Variants in RBFOX2 observed in about 807,000 individuals in gnomAD.
RBFOX2 encodes the protein RNA binding protein fox-1 homolog 2.
RBFOX2 carries 10 observed loss-of-function variants against 49.1 expected under a neutral mutation model. That is an observed-to-expected ratio of 0.20 (90% CI 0.13 to 0.35). The LOEUF is 0.35. Ranked by LOEUF, RBFOX2 falls within the 10% of genes least tolerant of loss-of-function variation. The pLI is 1.00. For synonymous variants in RBFOX2, 183 were observed against 187.4 expected (o/e 0.98, Z 0.19); for missense variants, 323 against 486.9 (o/e 0.66, Z 3.17).
At chr22:35,947,081 C>T (rs1335749089) in intron 1 of RBFOX2, among the ~76,000 whole-genome samples, 2 of 152,118 alleles carry the variant, frequency 1.3e-5, no homozygotes, top group African/African-American at 4.8e-5. Context: ...ATCCCAACTA[C>T]TTGGGAGGCT....
chr22:35,781,615 G>C, exon 3 of RBFOX2: 1 of 1,613,960 alleles, frequency 6.2e-7, no homozygotes, highest in Non-Finnish European at 8.5e-7. Context: ...ACATCTGCCG[G>C]AGGTCAGGGT....
chr22:35,888,032 T>C (rs953278594), intron 1 of RBFOX2, among the ~76,000 whole-genome samples: 5 of 152,134 alleles, frequency 3.3e-5, no homozygotes, highest in African/African-American at 9.7e-5. Flanking sequence ...TCCTATGGCC[T>C]CATACTACAC....
At chr22:35,877,494 C>G in intron 1 of RBFOX2, among the ~76,000 whole-genome samples, 1 of 152,160 alleles carries the variant, frequency 6.6e-6, no homozygotes, top group South Asian at 2.1e-4. Context: ...AGGAGTACAA[C>G]AGACTCAGAA....
At chr22:35,850,195 C>T (rs1161784173) in intron 1 of RBFOX2, among the ~76,000 whole-genome samples, 1 of 134,780 alleles carries the variant, frequency 7.4e-6, no homozygotes, top group Admixed American at 7.1e-5. Flanking sequence ...CTCTCTCATA[C>T]ACACACACAC....
At chr22:35,751,854 T>G (rs1935054400) in intron 9 of RBFOX2, among the ~76,000 whole-genome samples, 1 of 152,224 alleles carries the variant, frequency 6.6e-6, no homozygotes. Context: ...AGAGACGATT[T>G]TCAATAATCA....
chr22:35,980,226 C>A (rs1569517696), intron 1 of RBFOX2, among the ~76,000 whole-genome samples: 3 of 152,134 alleles, frequency 2.0e-5, no homozygotes, highest in Non-Finnish European at 4.4e-5. Context: ...ACACACATCT[C>A]TCCAAGGCTT....
chr22:35,831,651 T>C (rs1311079727), intron 1 of RBFOX2, among the ~76,000 whole-genome samples: 1 of 152,132 alleles, frequency 6.6e-6, no homozygotes, highest in Non-Finnish European at 1.5e-5. Flanking sequence ...AAAGCCAAAA[T>C]TGTTTACTAT....
At chr22:36,007,410 T>C (rs2058660065) in intron 1 of RBFOX2, among the ~76,000 whole-genome samples, 3 of 152,120 alleles carry the variant, frequency 2.0e-5, no homozygotes, top group African/African-American at 7.2e-5. Context: ...GTAAGCAGAA[T>C]TGGCATACTT....
At chr22:35,807,239 T>C (rs917622974) in intron 2 of RBFOX2, among the ~76,000 whole-genome samples, 1 of 152,192 alleles carries the variant, frequency 6.6e-6, no homozygotes, top group African/African-American at 2.4e-5. Flanking sequence ...ACAAATAGTT[T>C]TACTATTTCT....
chr22:35,980,268 GA>G (rs938096322), intron 1 of RBFOX2, among the ~76,000 whole-genome samples: 1 of 152,100 alleles, frequency 6.6e-6, no homozygotes, highest in African/African-American at 2.4e-5. Flanking sequence ...AGAATGGGGG[GA>G]ATCTATATGA....
intron 1 of RBFOX2, among the ~76,000 whole-genome samples, chr22:35,904,912 G>A (rs2048965455): frequency 6.6e-6 from 1 of 152,182 alleles, no homozygotes; most frequent in Non-Finnish European, 1.5e-5. Context: ...AGCCACGTGA[G>A]GATAGTGGCT....
intron 1 of RBFOX2, among the ~76,000 whole-genome samples, chr22:35,894,357 T>A (rs2047586687): frequency 6.6e-6 from 1 of 152,212 alleles, no homozygotes; most frequent in South Asian, 2.1e-4. Context: ...ATAGTAAAAA[T>A]TATTAGATAA....
At chr22:35,990,366 A>G (rs944445808) in intron 1 of RBFOX2, among the ~76,000 whole-genome samples, 6 of 152,200 alleles carry the variant, frequency 3.9e-5, no homozygotes, top group African/African-American at 1.2e-4. Flanking sequence ...GAAGGACGAC[A>G]AAGTCGAAAC....
chr22:35,957,702 C>T (rs183855979), intron 1 of RBFOX2, among the ~76,000 whole-genome samples: 164 of 152,272 alleles, frequency 1.1e-3, no homozygotes, highest in Admixed American at 2.4e-3. Flanking sequence ...AGGCCTGGAA[C>T]CCAAGTCCTC....
chr22:36,016,009 C>T lies in RBFOX2; in HGVS notation c.186+12231G>A, dbSNP rs533622169. Among the ~76,000 whole-genome samples, 36 of 152,232 alleles carry T rather than the reference C, an allele frequency of 2.4e-4. 1 individual carries two copies. Among genetic ancestry groups the T allele is most frequent in the African/African-American group, 8.4e-4 (35 of 41,524 alleles). ...GCCTAATGGCCCAAGACAAATAGAGCAGGGCCATCCAGGAGTCCCAACAAC... is the reference window on the plus strand; with the variant it reads ...GCCTAATGGCCCAAGACAAATAGAGTAGGGCCATCCAGGAGTCCCAACAAC... On this transcript the variant is annotated intron_variant, in intron 1 of 13. Transcript: ENST00000438146.
chr22:35,961,422 T>G, intron 1 of RBFOX2: 2 of 844,216 alleles, frequency 2.4e-6, no homozygotes, highest in South Asian at 4.9e-5. Flanking sequence ...TTTTTTTAAA[T>G]CAGGCATTAA....
At chr22:35,826,340 C>G (rs1344978848) in intron 1 of RBFOX2, among the ~76,000 whole-genome samples, 1 of 94,628 alleles carries the variant, frequency 1.1e-5, no homozygotes, top group Non-Finnish European at 2.0e-5. Context: ...GAAACTCCAT[C>G]TCAAAAAAAA....
intron 9 of RBFOX2, among the ~76,000 whole-genome samples, chr22:35,757,966 C>A (rs1293036271): frequency 6.6e-6 from 1 of 152,150 alleles, no homozygotes; most frequent in Non-Finnish European, 1.5e-5. Context: ...ATACATTTTA[C>A]CCTAAGTCAA....
chr22:35,881,629 G>A (rs937582645), intron 1 of RBFOX2, among the ~76,000 whole-genome samples: 15 of 149,396 alleles, frequency 1.0e-4, no homozygotes, highest in Non-Finnish European at 3.0e-5. Flanking sequence ...TAATGCAGTT[G>A]TTTTTTCACT....
Sources: allele counts gnomAD v4.1 joint callset (sites outside exome capture counted in the v4.1 genomes callset), GRCh38; gene constraint gnomAD v4.1.1; transcripts MANE v1.5; gene names NCBI Gene and HGNC (gene_info 2026-07-23, HGNC 2026-07-21).